MLLT10: variants seen among roughly 807,000 people sequenced by gnomAD.
The protein encoded by MLLT10 is protein AF-10.
A neutral mutation model predicts 129.1 loss-of-function variants in MLLT10; 30 were observed. The ratio of observed to expected loss-of-function variants is 0.23; its 90% CI spans 0.17 to 0.32. MLLT10 has a LOEUF of 0.32. MLLT10 is among the 10% of genes least tolerant of loss of function. The probability of loss-of-function intolerance (pLI) is 1.00; values close to 1 mark genes in which losing one functional copy is unlikely to be tolerated. For synonymous variants in MLLT10, 490 were observed against 446.4 expected (o/e 1.10, Z -1.23); for missense variants, 1,119 against 1,268.3 (o/e 0.88, Z 1.79).
chr10:21,534,071 C>T (rs182925975), upstream of MLLT10: 933 of 200,810 alleles, frequency 4.6e-3, 4 homozygotes, highest in Non-Finnish European at 7.8e-3. Flanking sequence ...CCGCCGGCTC[C>T]CCTCGCGCCC....
intron 17 of MLLT10, among the ~76,000 whole-genome samples, chr10:21,732,271 G>A (rs1387647538): frequency 6.6e-6 from 1 of 152,212 alleles, no homozygotes; most frequent in African/African-American, 2.4e-5. Context: ...TGAAGTACTT[G>A]AGGTGATGGG....
intron 14 of MLLT10, among the ~76,000 whole-genome samples, chr10:21,720,131 A>G (rs1260899024): frequency 6.6e-6 from 1 of 152,226 alleles, no homozygotes; most frequent in East Asian, 1.9e-4. Context: ...ATGAGTGTTC[A>G]GTGATGGTTT....
At chr10:21,673,317 A>ATT in intron 10 of MLLT10, 33 bp from the exon 11 acceptor site, 3 of 173,594 alleles carry the variant, frequency 1.7e-5, no homozygotes, top group Non-Finnish European at 2.6e-5. Flanking sequence ...CCACCCCCCA[A>ATT]CTTTTTTTTT....
chr10:21,623,354 A>G (rs906808702), intron 8 of MLLT10, among the ~76,000 whole-genome samples: 1 of 152,206 alleles, frequency 6.6e-6, no homozygotes, highest in Admixed American at 6.5e-5. Flanking sequence ...TGTAAACTCA[A>G]GTATGGTTGA....
chr10:21,613,171 C>A (rs555229841), intron 6 of MLLT10, among the ~76,000 whole-genome samples: 1 of 122,298 alleles, frequency 8.2e-6, no homozygotes, highest in Non-Finnish European at 1.6e-5. Context: ...TCCAGCCTGG[C>A]GACAAACCAA....
At chr10:21,717,816 T>C (rs1281899907) in intron 14 of MLLT10, among the ~76,000 whole-genome samples, 3 of 109,020 alleles carry the variant, frequency 2.8e-5, no homozygotes, top group Admixed American at 9.0e-5. Flanking sequence ...TTCTTCTCCT[T>C]CTTCTCCTCC....
chr10:21,659,651 T>C (rs142214139), intron 9 of MLLT10, among the ~76,000 whole-genome samples: 94 of 151,904 alleles, frequency 6.2e-4, no homozygotes, highest in Middle Eastern at 3.4e-3. Flanking sequence ...GCTGGAATTA[T>C]AGGTGCCCAC....
At position 21,595,441 on chromosome 10, in the gene MLLT10, GTACAGTGGATATTATTTTAT is replaced by G; in HGVS notation, c.405+5_405+24del. The G allele has an allele frequency of 6.3e-7, 1 of 1,598,820 alleles. No individual in the cohort carries two copies. On this transcript the variant is annotated splice_donor_variant and splice_donor_5th_base_variant and intron_variant, in intron 5 of 22. Coordinates refer to ENST00000307729, the MANE Select transcript of MLLT10 (RefSeq NM_001195626.3). LOFTEE classifies it high-confidence loss of function. ...TGTTCCGCATGATCGTTATAATAAG[GTACAGTGGATATTATTTTAT>G]TACTGTTTGAATATCACTACTGGGA...
At chr10:21,596,130 T>C (rs2042996665) in intron 5 of MLLT10, among the ~76,000 whole-genome samples, 1 of 152,170 alleles carries the variant, frequency 6.6e-6, no homozygotes, top group Non-Finnish European at 1.5e-5. Flanking sequence ...TTGTAATTAA[T>C]ATTTATTTTA....
intron 3 of MLLT10, among the ~76,000 whole-genome samples, chr10:21,539,748 A>G (rs2034756785): frequency 6.6e-6 from 1 of 151,566 alleles, no homozygotes; most frequent in Admixed American, 6.6e-5. Flanking sequence ...CAGCTTGGGC[A>G]ATAAGAGTGA....
At chr10:21,738,660 C>G (rs982261097) in intron 21 of MLLT10, 6 of 723,988 alleles carry the variant, frequency 8.3e-6, no homozygotes, top group Non-Finnish European at 1.0e-5. Context: ...TCCAGTGGTC[C>G]CTTCTCATTC....
chr10:21,717,253 CAAAAA>C lies in MLLT10; in HGVS notation c.1878+3323_1878+3327del, dbSNP rs747244556. ...GGGCAACAAGAGCGAAACTCCGTCT[CAAAAA>C]AAAAAAAAAAAAAAAAAAATTGTTC... On this transcript the variant is annotated intron_variant, in intron 14 of 22. Transcript: ENST00000307729. 6.8e-3 allele frequency among the ~76,000 whole-genome samples: 431 copies of C among 63,550 alleles called. 2 individuals carry two copies. Among genetic ancestry groups the C allele is most frequent in the African/African-American group, 0.025 (403 of 16,336 alleles). 41.7% of individuals were successfully genotyped at this position (63,550 alleles called of 152,430 possible). A position where few individuals can be genotyped will look rare whatever the true frequency, so the allele number is the denominator to read the frequency against.
intron 13 of MLLT10, among the ~76,000 whole-genome samples, chr10:21,693,868 C>T (rs1295595733): frequency 6.6e-6 from 1 of 152,054 alleles, no homozygotes; most frequent in Non-Finnish European, 1.5e-5. Flanking sequence ...CTAATCATCT[C>T]TTTAGCTGTG....
intron 19 of MLLT10, 32 bp from the exon 20 acceptor site, chr10:21,733,736 G>A (rs1316349592): frequency 7.0e-6 from 11 of 1,576,526 alleles, no homozygotes; most frequent in Non-Finnish European, 9.5e-6. Flanking sequence ...TTAATGTCCA[G>A]TGGACTTAGT....
At chr10:21,690,755 A>AT (rs1244226345) in intron 13 of MLLT10, among the ~76,000 whole-genome samples, 2 of 151,858 alleles carry the variant, frequency 1.3e-5, no homozygotes, top group Admixed American at 6.6e-5. Context: ...CCTTCTGAAC[A>AT]TTTTTTCTAA....
At chr10:21,660,051 A>G (rs1336899664) in intron 9 of MLLT10, among the ~76,000 whole-genome samples, 2 of 151,514 alleles carry the variant, frequency 1.3e-5, no homozygotes, top group African/African-American at 4.8e-5. Context: ...TGCAGCCTTG[A>G]CCTCCCAGGC....
intron 3 of MLLT10, among the ~76,000 whole-genome samples, chr10:21,572,323 T>C (rs753194923): frequency 6.6e-6 from 1 of 152,212 alleles, no homozygotes; most frequent in Non-Finnish European, 1.5e-5. Flanking sequence ...GAATTGCAAG[T>C]CCTAAAACCT....
intron 4 of MLLT10, among the ~76,000 whole-genome samples, chr10:21,589,996 CA>C (rs1267395090): frequency 6.6e-6 from 1 of 151,972 alleles, no homozygotes; most frequent in African/African-American, 2.4e-5. Context: ...TGCAGTGATG[CA>C]GTCATAGCTC....
intron 8 of MLLT10, chr10:21,626,256 T>A: frequency 6.5e-7 from 1 of 1,548,154 alleles, no homozygotes; most frequent in Middle Eastern, 2.3e-4. Flanking sequence ...TCAATTGCTC[T>A]TTCATCAAGA....
Sources: allele counts gnomAD v4.1 joint callset (sites outside exome capture counted in the v4.1 genomes callset), GRCh38; gene constraint gnomAD v4.1.1; transcripts MANE v1.5; gene names NCBI Gene and HGNC (gene_info 2026-07-23, HGNC 2026-07-21).